The following FDFT1 variants were observed in gnomAD, a reference collection of about 807,000 sequenced individuals.
FDFT1 encodes the protein farnesyl-diphosphate farnesyltransferase 1, also known as squalene synthase.
Under a neutral mutation model 46.8 loss-of-function variants are expected in FDFT1, and 68 were observed. The observed-to-expected ratio is 1.45, with a 90% CI of 1.19 to 1.78. The LOEUF (loss-of-function observed/expected upper bound fraction) is 1.78. FDFT1 is among the 40% of genes most tolerant of loss of function. The pLI is 0.00. For missense variants in FDFT1, 928 were observed against 524.4 expected (o/e 1.77, Z -7.52); for synonymous variants, 351 against 185.1 (o/e 1.90, Z -7.28).
At chr8:11,830,610 A>C (rs1231360315) in intron 6 of FDFT1, among the ~76,000 whole-genome samples, 190 bp downstream of exon 6, 1 of 152,204 alleles carries the variant, frequency 6.6e-6, no homozygotes, top group Non-Finnish European at 1.5e-5. Flanking sequence ...CCTTGAGGTT[A>C]AGCCTGCTCC....
intron 5 of FDFT1, 109 bp from the exon 6 acceptor site, chr8:11,830,135 G>A (rs1172978222): frequency 1.4e-5 from 13 of 921,798 alleles, no homozygotes; most frequent in African/African-American, 8.2e-5. Flanking sequence ...CGTGAGCCAC[G>A]GCGCCCAGCC....
intron 1 of FDFT1, chr8:11,803,582 G>A (rs75382158): frequency 2.6e-6 from 2 of 762,120 alleles, no homozygotes; most frequent in East Asian, 7.6e-5. Flanking sequence ...TTTAATGAAT[G>A]CATAGGAGGT....
chr8:11,814,317 T>C (rs79170406), intron 3 of FDFT1, among the ~76,000 whole-genome samples: 1 of 151,278 alleles, frequency 6.6e-6, no homozygotes, highest in East Asian at 1.9e-4. Flanking sequence ...TTTTTTTTTT[T>C]GGAGGGACAT....
intron 5 of FDFT1, among the ~76,000 whole-genome samples, chr8:11,827,129 C>T (rs1810104581): frequency 6.6e-6 from 1 of 152,128 alleles, no homozygotes; most frequent in Admixed American, 6.5e-5. Context: ...CCAGCATTTA[C>T]CTTTTGCTTT....
At chr8:11,797,067 C>T (rs1489916424) in intron 1 of FDFT1, among the ~76,000 whole-genome samples, 3 of 152,164 alleles carry the variant, frequency 2.0e-5, no homozygotes, top group South Asian at 2.1e-4. Context: ...TGGGTCATTG[C>T]CATGGAAAGG....
At chr8:11,816,194 T>C (rs1394648219) in intron 3 of FDFT1, among the ~76,000 whole-genome samples, 1 of 152,238 alleles carries the variant, frequency 6.6e-6, no homozygotes, top group African/African-American at 2.4e-5. Context: ...GTAGTGTTAT[T>C]TCTGAGGCCT....
intron 3 of FDFT1, among the ~76,000 whole-genome samples, chr8:11,811,189 C>A (rs1224685190): frequency 1.3e-5 from 2 of 152,200 alleles, no homozygotes; most frequent in Non-Finnish European, 2.9e-5. Flanking sequence ...ATTTGACTCT[C>A]ACAGGACACC....
chr8:11,807,165 T>G (rs776143849), intron 1 of FDFT1, among the ~76,000 whole-genome samples: 4 of 152,170 alleles, frequency 2.6e-5, no homozygotes, highest in Non-Finnish European at 5.9e-5. Context: ...TTGTTTTTTA[T>G]TTTTTTGAGA....
At chr8:11,802,968 G>C in intron 1 of FDFT1, 37 bp downstream of exon 1, 1 of 1,564,496 alleles carries the variant, frequency 6.4e-7, no homozygotes, top group African/African-American at 1.4e-5. Context: ...GGGCGGGGAA[G>C]GAGCTCGCTG....
At chr8:11,835,990 A>AAAAAAAAAAAAAAAC (rs1221424048) in intron 7 of FDFT1, among the ~76,000 whole-genome samples, 1 of 147,074 alleles carries the variant, frequency 6.8e-6, no homozygotes, top group Non-Finnish European at 1.5e-5. Flanking sequence ...AAAAAAAAAA[A>AAAAAAAAAAAAAAAC]AAAAATACAA....
chr8:11,817,877 C>A (rs1042183389), intron 3 of FDFT1, among the ~76,000 whole-genome samples: 4 of 151,214 alleles, frequency 2.6e-5, no homozygotes, highest in Non-Finnish European at 4.4e-5. Flanking sequence ...CTGCTCTGAT[C>A]TTAGTTATTT....
At chr8:11,803,197 G>C (rs754639569) in intron 1 of FDFT1, 8 of 1,406,080 alleles carry the variant, frequency 5.7e-6, no homozygotes, top group Non-Finnish European at 6.5e-6. Flanking sequence ...TCCCCGTTTC[G>C]TCCCCTCCGT....
chr8:11,802,317 C>T (rs924170268), upstream of FDFT1: 5 of 402,290 alleles, frequency 1.2e-5, no homozygotes, highest in African/African-American at 6.2e-5. Context: ...AGGCCGGACA[C>T]GTGGGCGACT....
intron 1 of FDFT1, among the ~76,000 whole-genome samples, chr8:11,807,219 C>T (rs1423320697): frequency 1.3e-5 from 2 of 152,246 alleles, no homozygotes; most frequent in Admixed American, 6.5e-5. Flanking sequence ...TTCACTGTAA[C>T]GTGTATCTCC....
chr8:11,824,330 A>G (rs1809667310), intron 4 of FDFT1, among the ~76,000 whole-genome samples: 1 of 152,228 alleles, frequency 6.6e-6, no homozygotes, highest in South Asian at 2.1e-4. Context: ...AAAAAAAAGT[A>G]TTTGGCAATT....
At chr8:11,831,036 GA>G (rs1810707972) in intron 6 of FDFT1, among the ~76,000 whole-genome samples, 1 of 152,130 alleles carries the variant, frequency 6.6e-6, no homozygotes, top group Admixed American at 6.6e-5. Flanking sequence ...CATTTACCTA[GA>G]AATACTTTAC....
chr8:11,813,641 G>C (rs772303657), intron 3 of FDFT1, among the ~76,000 whole-genome samples: 2 of 152,180 alleles, frequency 1.3e-5, no homozygotes, highest in Non-Finnish European at 2.9e-5. Context: ...AGAGGAATTT[G>C]TATCTGTATT....
chr8:11,795,699 G>GT (rs1356522027), exon 1 of FDFT1: 1 of 152,072 alleles, frequency 6.6e-6, no homozygotes, highest in Non-Finnish European at 1.5e-5. Context: ...CACAGGGTAG[G>GT]TTTGCAGCTT....
chr8:11,807,470 A>G (rs1443234309), intron 1 of FDFT1, among the ~76,000 whole-genome samples: 1 of 152,194 alleles, frequency 6.6e-6, no homozygotes, highest in Non-Finnish European at 1.5e-5. Context: ...GCCCTGTTGG[A>G]TAAATGATTC....
Sources: allele counts gnomAD v4.1 joint callset (sites outside exome capture counted in the v4.1 genomes callset), GRCh38; gene constraint gnomAD v4.1.1; transcripts MANE v1.5; gene names NCBI Gene and HGNC (gene_info 2026-07-23, HGNC 2026-07-21).